The following CBFA2T3 variants were observed in gnomAD, a reference collection of about 807,000 sequenced individuals.
CBFA2T3 encodes CBFA2/RUNX1 partner transcriptional co-repressor 3.
In CBFA2T3, 31 loss-of-function variants were observed where a neutral mutation model predicts 58.6. The observed-to-expected ratio is 0.53, with a 90% CI of 0.40 to 0.71. The LOEUF is 0.71. Ranked by LOEUF, CBFA2T3 falls within the 30% of genes least tolerant of loss-of-function variation. CBFA2T3 has a pLI of 0.00. For missense variants in CBFA2T3, 1,076 were observed against 963.1 expected, an observed-to-expected ratio of 1.12 and a Z score of -1.55; for synonymous variants, 531 against 421.9, an observed-to-expected ratio of 1.26 and a Z score of -3.17.
chr16:88,897,760 G>A lies in CBFA2T3; in HGVS notation c.379+318C>T, dbSNP rs117343057. Among the ~76,000 whole-genome samples, 239 of 152,310 alleles carry A rather than the reference G, an allele frequency of 1.6e-3. 5 individuals are homozygous for A. The East Asian group carries it at 0.043, about 28-fold the overall frequency. Reference sequence around the variant, plus strand: ...ACAGGCTGGCCAGGGACAGTGTCTCGCCCCTCCCCTCGGCACTCGCAGTCA... The same window carrying A: ...ACAGGCTGGCCAGGGACAGTGTCTCACCCCTCCCCTCGGCACTCGCAGTCA... On this transcript the variant is annotated intron_variant, in intron 3 of 11. Transcript: ENST00000268679.
intron 10 of CBFA2T3, 191 bp from the exon 11 acceptor site, chr16:88,879,651 GAC>G: frequency 1.8e-6 from 1 of 569,348 alleles, no homozygotes; most frequent in Admixed American, 3.0e-5. Context: ...TGCACACACA[GAC>G]ACACGTTGAT....
At chr16:88,957,515 A>AG (rs1266824618) in intron 1 of CBFA2T3, 1 of 152,264 alleles carries the variant, frequency 6.6e-6, no homozygotes, top group Non-Finnish European at 1.5e-5. Context: ...CTCCACCCCC[A>AG]GACACATCCC....
chr16:88,912,213 G>A (rs1970554013), intron 1 of CBFA2T3, among the ~76,000 whole-genome samples: 1 of 152,256 alleles, frequency 6.6e-6, no homozygotes, highest in South Asian at 2.1e-4. Context: ...CCCAAGGAGA[G>A]AAGAAAGCCT....
At chr16:88,969,613 C>A (rs377347484) in intron 1 of CBFA2T3, among the ~76,000 whole-genome samples, 68 of 152,360 alleles carry the variant, frequency 4.5e-4, no homozygotes, top group African/African-American at 1.6e-3. Context: ...CACTGCCCCT[C>A]ACAGACCAGG....
At chr16:88,910,118 C>T (rs1255127830) in intron 1 of CBFA2T3, among the ~76,000 whole-genome samples, 1 of 152,248 alleles carries the variant, frequency 6.6e-6, no homozygotes, top group Non-Finnish European at 1.5e-5. Context: ...CTACCCCACA[C>T]CCGCCTGTGC....
chr16:88,881,211 T>C (rs1020407722), intron 9 of CBFA2T3, 80 bp downstream of exon 9: 27 of 1,272,366 alleles, frequency 2.1e-5, no homozygotes, highest in Middle Eastern at 1.8e-4. Context: ...TTTCGTTGCA[T>C]TGCCTGCCTG....
At chr16:88,934,640 T>C (rs1331455186) in intron 1 of CBFA2T3, among the ~76,000 whole-genome samples, 1 of 152,224 alleles carries the variant, frequency 6.6e-6, no homozygotes, top group Admixed American at 6.5e-5. Flanking sequence ...TGCCTGCCTA[T>C]TCTTGCTGTT....
intron 5 of CBFA2T3, among the ~76,000 whole-genome samples, chr16:88,888,283 C>G (rs1315478996): frequency 6.7e-6 from 1 of 149,820 alleles, no homozygotes; most frequent in Non-Finnish European, 1.5e-5. Context: ...CAGACTGGGC[C>G]TGGCGGGCTG....
At chr16:88,961,424 G>A (rs1417478555) in intron 1 of CBFA2T3, among the ~76,000 whole-genome samples, 1 of 150,654 alleles carries the variant, frequency 6.6e-6, no homozygotes, top group Non-Finnish European at 1.5e-5. Context: ...CATAGTAACC[G>A]ACCTCAGCGC....
intron 1 of CBFA2T3, among the ~76,000 whole-genome samples, chr16:88,926,463 C>G (rs1430070009): frequency 6.6e-6 from 1 of 152,174 alleles, no homozygotes; most frequent in East Asian, 1.9e-4. Flanking sequence ...TTTCAGGGGT[C>G]GAGGCTGAGC....
At chr16:88,925,499 G>C (rs192064463) in intron 1 of CBFA2T3, among the ~76,000 whole-genome samples, 1 of 152,136 alleles carries the variant, frequency 6.6e-6, no homozygotes, top group Non-Finnish European at 1.5e-5. Context: ...GACCTGCTCC[G>C]AGTGCCCTGC....
rs547169430 is a variant in CBFA2T3, at chr16:88,879,501, TC to T, written c.1472-42del. On this transcript the variant is annotated intron_variant, in intron 10 of 11. Transcript: ENST00000268679. ...GCAGGGCTGGCGGTCACATGGGCCA[TC>T]CCAGATGGGTCTCTGGACTTCCTAC... 3.0e-4 allele frequency: 480 copies of T among 1,576,562 alleles called. 6 individuals carry two copies. The South Asian group carries it at 5.0e-3, about 16-fold the overall frequency.
At position 88,906,404 on chromosome 16, in the gene CBFA2T3, G is replaced by A. The variant is rs1033020439; in HGVS notation, c.152-4748C>T. Among the ~76,000 whole-genome samples, 14 of 152,090 alleles carry A rather than the reference G, an allele frequency of 9.2e-5. 1 individual carries two copies. Among genetic ancestry groups the A allele is most frequent in the African/African-American group, 2.7e-4 (11 of 41,368 alleles). On this transcript the variant is annotated intron_variant, in intron 1 of 11. Transcript: ENST00000268679. The stretch of plus-strand genomic sequence containing the variant: ...GGAAGAGGCCTGGCCGCATCCCCTC[G>A]TCCCCAAGACCACTTGCTGACCCTG...
intron 1 of CBFA2T3, among the ~76,000 whole-genome samples, chr16:88,973,651 A>C (rs1239110381): frequency 6.6e-6 from 1 of 152,196 alleles, no homozygotes; most frequent in Non-Finnish European, 1.5e-5. Flanking sequence ...AGGACGTTCC[A>C]GACCCACAAC....
chr16:88,881,973 C>T (rs1364804795), intron 8 of CBFA2T3, among the ~76,000 whole-genome samples: 1 of 152,218 alleles, frequency 6.6e-6, no homozygotes, highest in Admixed American at 6.5e-5. Flanking sequence ...GAGGCCTCGG[C>T]ACTGCTTTTG....
intron 1 of CBFA2T3, among the ~76,000 whole-genome samples, chr16:88,971,175 T>TCTTG (rs1357880270): frequency 1.9e-4 from 29 of 152,014 alleles, no homozygotes; most frequent in Non-Finnish European, 4.1e-4. Context: ...AGGGGCGCAA[T>TCTTG]CTTGGCTCAC....
At chr16:88,941,149 C>A (rs1425237091) in intron 1 of CBFA2T3, 3 of 983,118 alleles carry the variant, frequency 3.1e-6, no homozygotes, top group Non-Finnish European at 3.6e-6. Flanking sequence ...TGTCTTCTGG[C>A]GCCGCACCGG....
At chr16:88,880,684 C>T (rs1171302420) in intron 10 of CBFA2T3, 36 bp downstream of exon 10, 7 of 1,529,144 alleles carry the variant, frequency 4.6e-6, no homozygotes, top group Non-Finnish European at 6.2e-6. Flanking sequence ...TGGCCTCCCA[C>T]AGCTCTGCTG....
chr16:88,956,709 C>T (rs750119772), intron 1 of CBFA2T3, among the ~76,000 whole-genome samples: 2 of 152,222 alleles, frequency 1.3e-5, no homozygotes, highest in African/African-American at 4.8e-5. Context: ...GCTGGCGGAG[C>T]CCTGGGAGAA....
Sources: allele counts gnomAD v4.1 joint callset (sites outside exome capture counted in the v4.1 genomes callset), GRCh38; gene constraint gnomAD v4.1.1; transcripts MANE v1.5; gene names NCBI Gene and HGNC (gene_info 2026-07-23, HGNC 2026-07-21).